The following PKD2L1 variants were observed in gnomAD, a reference collection of about 807,000 sequenced individuals.
PKD2L1 encodes the protein polycystin 2 like 1, transient receptor potential cation channel.
A neutral mutation model predicts 93.0 loss-of-function variants in PKD2L1; 77 were observed. The observed-to-expected ratio is 0.83, with a 90% CI of 0.69 to 1.00. The LOEUF (loss-of-function observed/expected upper bound fraction) is 1.00, where lower values mean the gene tolerates loss of function less well. PKD2L1 is among the 50% of genes least tolerant of loss of function. PKD2L1 has a pLI of 0.00. For missense variants in PKD2L1, 977 were observed against 990.9 expected, an observed-to-expected ratio of 0.99 and a Z score of 0.19; for synonymous variants, 390 against 388.0, an observed-to-expected ratio of 1.01 and a Z score of -0.06.
rs2134383009 is a variant in PKD2L1 at position 100,297,492 on chromosome 10, T to C, written c.846A>G (p.Ala282=). ...CCTCCTGAAGGGCCCGGAGAGCCTC[T>C]GCACTACCCTGTCGGGATCCTGGAA... is the stretch of plus-strand genomic sequence containing the variant. The part of the protein sequence containing the change: ...LDLPGSRQGS[A]EALRALQEGL... The change falls in exon 5 of 16, where the codon GCA becomes GCG. Residue 282 remains alanine (A), a synonymous_variant. Coordinates refer to ENST00000318222, the MANE Select transcript of PKD2L1 (RefSeq NM_016112.3). 2 of 1,614,176 alleles carry C rather than the reference T, an allele frequency of 1.2e-6. No homozygotes were observed. Among genetic ancestry groups the C allele is most frequent in the South Asian group, 1.1e-5 (1 of 91,088 alleles).
chr10:100,298,241 AC>A (rs1406452907), intron 4 of PKD2L1, among the ~76,000 whole-genome samples: 2 of 152,000 alleles, frequency 1.3e-5, no homozygotes, highest in Non-Finnish European at 2.9e-5. Context: ...CATTTTGTAT[AC>A]CCCTAACCAA....
At chr10:100,290,936 T>C (rs531762681) in intron 12 of PKD2L1, among the ~76,000 whole-genome samples, 73 of 152,302 alleles carry the variant, frequency 4.8e-4, no homozygotes, top group African/African-American at 1.7e-3. Flanking sequence ...AGGCAAGTCC[T>C]CTGAGGGAAT....
chr10:100,322,902 G>T (rs1404658481), intron 2 of PKD2L1, among the ~76,000 whole-genome samples: 1 of 152,180 alleles, frequency 6.6e-6, no homozygotes, highest in Non-Finnish European at 1.5e-5. Context: ...TGCATGAGTG[G>T]CCTTGAGCAA....
At chr10:100,292,125 C>A (rs190436163) in intron 11 of PKD2L1, among the ~76,000 whole-genome samples, 2 of 151,952 alleles carry the variant, frequency 1.3e-5, no homozygotes, top group Admixed American at 1.3e-4. Flanking sequence ...GAATTGATCA[C>A]CCTCTACTCC....
In PKD2L1 at chr10:100,290,063, C is replaced by G. The variant is rs1385759135; in HGVS notation, c.2202G>C (p.Lys734Asn). The change falls in exon 14 of 16, where the codon AAG (lysine) becomes AAC (asparagine). Residue 734 changes from lysine (K) to asparagine (N), a missense_variant. Coordinates refer to ENST00000318222, the MANE Select transcript of PKD2L1 (RefSeq NM_016112.3). The stretch of plus-strand genomic sequence containing the variant: ...ACCCCTTCCTCTCCAGCATTTTCAG[C>G]TTTGAGCCTACAGCATCAATCTGGG... ...VVSQIDAVGS[K>N]LKMLERKGWL... 6.2e-7 allele frequency: 1 copy of G among 1,614,094 alleles called. No individual in the cohort carries two copies. The highest frequency in any genetic ancestry group is 8.5e-7 in the Non-Finnish European group (1 of 1,180,052).
Position 100,291,431 on chromosome 10 carries a change from A to C in PKD2L1, c.1881-4T>G. 6.2e-7 allele frequency: 1 copy of C among 1,613,834 alleles called. No homozygotes were observed. The highest frequency in any genetic ancestry group is 8.5e-7 in the Non-Finnish European group (1 of 1,179,872). ...TTCATGCTCTGCGTGTCCCAGTCTG[A>C]GAAGAGGATGATGAAATGATTTCTG... On this transcript the variant is annotated splice_region_variant and splice_polypyrimidine_tract_variant and intron_variant, in intron 11 of 15. Transcript: ENST00000318222.
chr10:100,291,345 C>T lies in PKD2L1; in HGVS notation c.1963G>A (p.Glu655Lys), dbSNP rs1439283507. The T allele has an allele frequency of 5.0e-6, 8 of 1,614,132 alleles. No homozygotes were observed. The highest frequency in any genetic ancestry group is 1.1e-5 in the South Asian group (1 of 91,072). The change falls in exon 12 of 16, where the codon GAG becomes AAG. Residue 655 changes from glutamate to lysine, a missense_variant. Coordinates refer to ENST00000318222, the MANE Select transcript of PKD2L1 (RefSeq NM_016112.3). The stretch of plus-strand genomic sequence containing the variant: ...TGTCGCATTTTTTCCTGTTCCTTCT[C>T]ATCCAGAATACGATTCCCATCTCTG... ...FDRDGNRILD[E>K]KEQEKMRQDL...
intron 2 of PKD2L1, among the ~76,000 whole-genome samples, chr10:100,322,968 C>G (rs556579513): frequency 8.5e-5 from 13 of 152,226 alleles, no homozygotes; most frequent in Admixed American, 8.5e-4. Flanking sequence ...ATAGGCAGAA[C>G]CAATTTCATA....
chr10:100,292,501 A>G (rs1423782643), intron 11 of PKD2L1, among the ~76,000 whole-genome samples: 2 of 152,106 alleles, frequency 1.3e-5, no homozygotes, highest in Admixed American at 6.5e-5. Context: ...TCAAAAAAAA[A>G]AAAAAAATTA....
rs773996117 is a variant in PKD2L1 at position 100,291,418 on chromosome 10, G to A, written c.1890C>T (p.His630=). 2.0e-5 allele frequency: 33 copies of A among 1,613,774 alleles called. No homozygotes were observed. Among genetic ancestry groups the A allele is most frequent in the East Asian group, 6.7e-5 (3 of 44,888 alleles). The change falls in exon 12 of 16, where the codon CAC becomes CAT. Residue 630 remains histidine, a synonymous_variant. Coordinates refer to ENST00000318222, the MANE Select transcript of PKD2L1 (RefSeq NM_016112.3). ...TGAGCTCAGTGATTTCATGCTCTGCGTGTCCCAGTCTGAGAAGAGGATGAT... is the reference window on the plus strand; with the variant it reads ...TGAGCTCAGTGATTTCATGCTCTGCATGTCCCAGTCTGAGAAGAGGATGAT... ...DFTNTLRELG[H]AEHEITELTA...
chr10:100,319,751 T>G (rs928878085), intron 2 of PKD2L1, among the ~76,000 whole-genome samples: 1 of 152,240 alleles, frequency 6.6e-6, no homozygotes, highest in African/African-American at 2.4e-5. Flanking sequence ...GCATTAAAGG[T>G]TGAGGGTCTC....
At chr10:100,314,381 G>A (rs1369000063) in intron 2 of PKD2L1, among the ~76,000 whole-genome samples, 1 of 152,156 alleles carries the variant, frequency 6.6e-6, no homozygotes, top group Admixed American at 6.5e-5. Flanking sequence ...GTGGGCAGAG[G>A]TAGGCGAGAA....
Position 100,297,255 on chromosome 10 carries a change from C to T in PKD2L1, c.957-47G>A, listed in dbSNP as rs78113308. 4.2e-3 allele frequency: 6,439 copies of T among 1,551,266 alleles called. 157 individuals are homozygous for T. In the East Asian group the frequency reaches 0.054, roughly 13 times the overall value. ...ACCTCCAGTGGAGCCTTCGCTGGGA[C>T]GGCTCCTCCCACTTCCTCTCCTCTC... On this transcript the variant is annotated intron_variant, in intron 5 of 15. Coordinates refer to ENST00000318222, the MANE Select transcript of PKD2L1 (RefSeq NM_016112.3).
chr10:100,293,054 G>A lies in PKD2L1; in HGVS notation c.1774C>T (p.Leu592=), dbSNP rs781230245. 8.1e-6 allele frequency: 13 copies of A among 1,613,966 alleles called. No individual in the cohort carries two copies. The highest frequency in any genetic ancestry group is 8.5e-6 in the Non-Finnish European group (10 of 1,179,986). ...DLLKQGYNKT[L]LRLRLRKERV... ...TCCTTCCTCAGACGCAGTCTTAGTA[G>A]GGTCTTGTTGTAGCCCTGAAAGGGA... Residue 592 remains leucine (L), a synonymous_variant, in exon 11 of 16, where the codon CTA becomes TTA. Coordinates refer to ENST00000318222, the MANE Select transcript of PKD2L1 (RefSeq NM_016112.3).
At chr10:100,306,588 G>A (rs577984440) in intron 2 of PKD2L1, among the ~76,000 whole-genome samples, 24 of 151,868 alleles carry the variant, frequency 1.6e-4, no homozygotes, top group Non-Finnish European at 3.2e-4. Context: ...TGGGTCGGGC[G>A]CAATGGCTCA....
At chr10:100,310,947 T>C (rs1026287041) in intron 2 of PKD2L1, among the ~76,000 whole-genome samples, 15 of 152,292 alleles carry the variant, frequency 9.8e-5, no homozygotes, top group Admixed American at 7.8e-4. Flanking sequence ...CCCAGGCTGG[T>C]CTCGAACTCC....
At chr10:100,290,540 TA>T in intron 12 of PKD2L1, 21 bp from the exon 13 acceptor site, 1 of 1,499,162 alleles carries the variant, frequency 6.7e-7, no homozygotes, top group South Asian at 1.1e-5. Context: ...AGTCAGAGGT[TA>T]GAGGGGAGGA....
Position 100,296,303 on chromosome 10 carries a change from G to C in PKD2L1, c.1186-11C>G, listed in dbSNP as rs768855192. On this transcript the variant is annotated splice_polypyrimidine_tract_variant and intron_variant, in intron 6 of 15. Coordinates refer to ENST00000318222, the MANE Select transcript of PKD2L1 (RefSeq NM_016112.3). ...AGCCACAATGGAGAGCTGTCACACAGGGGTCATGGGGGTGTCAGAGAAGGC... is the reference window on the plus strand; with the variant it reads ...AGCCACAATGGAGAGCTGTCACACACGGGTCATGGGGGTGTCAGAGAAGGC... The C allele has an allele frequency of 8.4e-6, 13 of 1,553,110 alleles. No homozygotes were observed. The African/African-American group carries it at 1.8e-4, about 22-fold the overall frequency.
At chr10:100,312,871 GC>G (rs1182608630) in intron 2 of PKD2L1, among the ~76,000 whole-genome samples, 1 of 151,288 alleles carries the variant, frequency 6.6e-6, no homozygotes, top group Non-Finnish European at 1.5e-5. Context: ...GAAAAATACG[GC>G]CCCCTAGATA....
Sources: gnomAD v4.1 joint callset for allele counts (sites outside exome capture counted in the v4.1 genomes callset) on GRCh38, gnomAD v4.1.1 for gene constraint, MANE v1.5 for transcripts, NCBI Gene and HGNC (gene_info 2026-07-23, HGNC 2026-07-21) for gene names.